TGFA: variants seen among roughly 807,000 people sequenced by gnomAD.
TGFA encodes protransforming growth factor alpha.
A neutral mutation model predicts 21.7 loss-of-function variants in TGFA; 12 were observed. The ratio of observed to expected loss-of-function variants is 0.55; its 90% CI spans 0.35 to 0.90. The LOEUF is 0.90. Ranked by LOEUF, TGFA falls within the 40% of genes least tolerant of loss-of-function variation. TGFA has a pLI of 0.01. For missense variants in TGFA, 178 were observed against 210.8 expected, an observed-to-expected ratio of 0.84 and a Z score of 0.96; for synonymous variants, 79 against 88.1, an observed-to-expected ratio of 0.90 and a Z score of 0.58.
chr2:70,452,616 C>A (rs1167108118), intron 5 of TGFA, among the ~76,000 whole-genome samples: 1 of 152,162 alleles, frequency 6.6e-6, no homozygotes, highest in East Asian at 1.9e-4. Context: ...TATCAGTACT[C>A]CTCCAATTTG....
intron 2 of TGFA, among the ~76,000 whole-genome samples, chr2:70,491,650 A>G (rs1357512100): frequency 6.6e-6 from 1 of 152,208 alleles, no homozygotes; most frequent in South Asian, 2.1e-4. Context: ...CCCCGGAGAC[A>G]GTGGCATAAC....
chr2:70,499,720 C>T (rs34079678), intron 2 of TGFA, among the ~76,000 whole-genome samples: 29,323 of 152,024 alleles, frequency 0.19, 3,276 homozygotes, highest in Admixed American at 0.32. Flanking sequence ...GGGGTTCATC[C>T]GTATGCAGAG....
intron 2 of TGFA, among the ~76,000 whole-genome samples, chr2:70,474,416 G>A (rs536401827): frequency 1.3e-5 from 2 of 152,312 alleles, no homozygotes; most frequent in East Asian, 1.9e-4. Context: ...CACAAATCAC[G>A]CTGGCAGTGA....
At chr2:70,470,117 A>T (rs532672853) in intron 2 of TGFA, among the ~76,000 whole-genome samples, 1 of 151,998 alleles carries the variant, frequency 6.6e-6, no homozygotes, top group Admixed American at 6.5e-5. Flanking sequence ...AGGGAGACAG[A>T]GAGTAGAGAG....
At position 70,532,640 on chromosome 2, in the gene TGFA, C is replaced by T. The variant is rs76994489; in HGVS notation, c.41-17728G>A. 3.2e-3 allele frequency among the ~76,000 whole-genome samples: 494 copies of T among 152,320 alleles called. 1 individual carries two copies. Among genetic ancestry groups the T allele is most frequent in the African/African-American group, 0.011 (461 of 41,576 alleles). ...ATAAAAAACATACACTAGGCTCCTA[C>T]GCCTGTGGTTCATTTCTCAAGGCTC... is the stretch of plus-strand genomic sequence containing the variant. On this transcript the variant is annotated intron_variant, in intron 1 of 5. Coordinates refer to ENST00000295400, the MANE Select transcript of TGFA (RefSeq NM_003236.4).
chr2:70,500,787 C>G (rs1671716296), intron 2 of TGFA, among the ~76,000 whole-genome samples: 1 of 152,196 alleles, frequency 6.6e-6, no homozygotes, highest in East Asian at 1.9e-4. Context: ...TATACAGGAA[C>G]TCCTTGTGTA....
At chr2:70,513,209 G>A (rs1553501173) in intron 2 of TGFA, among the ~76,000 whole-genome samples, 1 of 152,154 alleles carries the variant, frequency 6.6e-6, no homozygotes, top group Non-Finnish European at 1.5e-5. Flanking sequence ...CGTAAGTGTT[G>A]CTAGAGTATC....
At chr2:70,547,545 GAA>G (rs112107973) in intron 1 of TGFA, among the ~76,000 whole-genome samples, 14,932 of 135,876 alleles carry the variant, frequency 0.11, 838 homozygotes, top group Middle Eastern at 0.19. Flanking sequence ...TCCATCTCAA[GAA>G]AAAAAAAAAA....
intron 2 of TGFA, among the ~76,000 whole-genome samples, chr2:70,495,082 T>C (rs1671540142): frequency 6.6e-6 from 1 of 152,242 alleles, no homozygotes; most frequent in African/African-American, 2.4e-5. Context: ...TAAAAAGTAT[T>C]TCAATCACCT....
chr2:70,492,701 G>A (rs781993210), intron 2 of TGFA, among the ~76,000 whole-genome samples: 2 of 152,062 alleles, frequency 1.3e-5, no homozygotes, highest in Non-Finnish European at 2.9e-5. Context: ...GTAAAGTAGG[G>A]GTTTTCCATA....
intron 1 of TGFA, among the ~76,000 whole-genome samples, chr2:70,517,313 T>C (rs1449865713): frequency 6.6e-6 from 1 of 152,198 alleles, no homozygotes; most frequent in African/African-American, 2.4e-5. Context: ...CACTCTGCAA[T>C]CTTGATCCAT....
At chr2:70,524,194 A>G (rs565893441) in intron 1 of TGFA, among the ~76,000 whole-genome samples, 2 of 152,384 alleles carry the variant, frequency 1.3e-5, no homozygotes, top group East Asian at 3.8e-4. Context: ...ACCCTCTCTC[A>G]TAAAGCAAAG....
intron 2 of TGFA, among the ~76,000 whole-genome samples, chr2:70,477,835 G>A (rs1553494757): frequency 1.3e-5 from 2 of 152,216 alleles, no homozygotes; most frequent in Non-Finnish European, 2.9e-5. Context: ...TTTGACATGA[G>A]CAGGAAATAA....
intron 1 of TGFA, among the ~76,000 whole-genome samples, chr2:70,551,789 GT>G (rs1673519373): frequency 1.3e-5 from 2 of 151,790 alleles, no homozygotes; most frequent in Admixed American, 6.6e-5. Flanking sequence ...ATCTTTTAAA[GT>G]TTATACATCA....
intron 1 of TGFA, among the ~76,000 whole-genome samples, chr2:70,547,751 G>T (rs1553506161): frequency 7.7e-6 from 1 of 130,048 alleles, no homozygotes; most frequent in Admixed American, 8.0e-5. Context: ...TATATATATA[G>T]ATAGTATACT....
intron 2 of TGFA, among the ~76,000 whole-genome samples, chr2:70,480,085 G>A (rs535193252): frequency 6.6e-6 from 1 of 152,286 alleles, no homozygotes; most frequent in South Asian, 2.1e-4. Flanking sequence ...CAGAAAAGGG[G>A]AAGTTTAACT....
chr2:70,476,109 T>TAAAAAAAAAAAAAAAAAAAAAAAAAA (rs1670926055), intron 2 of TGFA, among the ~76,000 whole-genome samples: 2 of 78,502 alleles, frequency 2.5e-5, no homozygotes, highest in African/African-American at 5.1e-5. Flanking sequence ...AAAAAAAAAT[T>TAAAAAAAAAAAAAAAAAAAAAAAAAA]AAGAAAATTA....
chr2:70,475,784 A>G (rs782465455), intron 2 of TGFA, among the ~76,000 whole-genome samples: 5 of 152,152 alleles, frequency 3.3e-5, no homozygotes, highest in Non-Finnish European at 7.3e-5. Context: ...CCAAAGATGC[A>G]CGACATACAT....
At chr2:70,465,593 C>T in intron 3 of TGFA, 23 bp downstream of exon 3, 1 of 1,613,980 alleles carries the variant, frequency 6.2e-7, no homozygotes. Context: ...CCCCAGATCT[C>T]CAGGAGAACA....
Sources: gnomAD v4.1 joint callset for allele counts (sites outside exome capture counted in the v4.1 genomes callset) on GRCh38, gnomAD v4.1.1 for gene constraint, MANE v1.5 for transcripts, NCBI Gene and HGNC (gene_info 2026-07-23, HGNC 2026-07-21) for gene names.